RYR3: variants seen among roughly 807,000 people sequenced by gnomAD.
RYR3 encodes the protein brain ryanodine receptor-calcium release channel.
RYR3 carries 207 observed loss-of-function variants against 584.3 expected under a neutral mutation model. The observed-to-expected ratio is 0.35, with a 90% confidence interval of 0.32 to 0.40. The LOEUF is 0.40. Among genes scored for constraint, RYR3 ranks in the 10% least tolerant of loss-of-function variants. RYR3 has a pLI of 1.00. For synonymous variants in RYR3, 2,416 were observed against 2,248.5 expected (o/e 1.07, Z -2.11); for missense variants, 5,616 against 6,089.2 (o/e 0.92, Z 2.59).
At chr15:33,827,931 T>C (rs949066960) in intron 85 of RYR3, among the ~76,000 whole-genome samples, 1 of 152,196 alleles carries the variant, frequency 6.6e-6, no homozygotes, top group Admixed American at 6.5e-5. Flanking sequence ...CCTCATTTTA[T>C]TGCAGTTGGT....
chr15:33,824,149 A>C (rs1002723479), intron 81 of RYR3, among the ~76,000 whole-genome samples: 15 of 152,158 alleles, frequency 9.9e-5, no homozygotes, highest in Non-Finnish European at 1.9e-4. Context: ...AGGCAACTCA[A>C]TTCCATATTG....
intron 38 of RYR3, among the ~76,000 whole-genome samples, chr15:33,694,403 C>A (rs1204756313): frequency 2.5e-5 from 3 of 118,632 alleles, no homozygotes; most frequent in Non-Finnish European, 4.3e-5. Context: ...CTCCATCACG[C>A]CCGGTTAATT....
intron 81 of RYR3, among the ~76,000 whole-genome samples, chr15:33,824,560 T>C (rs1227226017): frequency 6.6e-6 from 1 of 152,198 alleles, no homozygotes; most frequent in African/African-American, 2.4e-5. Context: ...CAAGCCCTTT[T>C]GCCAGCAGAA....
intron 74 of RYR3, among the ~76,000 whole-genome samples, chr15:33,814,634 C>T (rs2076711281): frequency 6.6e-6 from 1 of 152,094 alleles, no homozygotes. Context: ...CGCAGTGGCT[C>T]ACTCCTGTAA....
Position 33,810,551 on chromosome 15 carries a change from A to G in RYR3, c.10099A>G (p.Ile3367Val), listed in dbSNP as rs199625290. 2.0e-5 allele frequency: 32 copies of G among 1,614,018 alleles called. No individual in the cohort carries two copies. The African/African-American group carries it at 4.0e-4, about 20-fold the overall frequency. ...CTTGTATTCCATCCAGACCTCCCTC[A>G]TCGTGGCTGCACTCAAGAAAATGCT... ...GDLYSIQTSL[I>V]VAALKKMLPI... is the part of the protein sequence containing the mutation. Residue 3367 changes from isoleucine to valine, a missense_variant, in exon 71 of 104, where the codon ATC becomes GTC. By Grantham distance (29) the Ile-to-Val change is conservative (BLOSUM62 3). Around this residue, in one of 9 missense-constraint regions of RYR3, gnomAD observed 954 missense variants for 1,132.2 expected, o/e 0.84. Transcript: ENST00000634891.
At chr15:33,587,314 A>G (rs1000703318) in intron 16 of RYR3, among the ~76,000 whole-genome samples, 3 of 152,190 alleles carry the variant, frequency 2.0e-5, no homozygotes, top group African/African-American at 7.2e-5. Flanking sequence ...CCTGAGCAAC[A>G]CGTGCTAGGA....
chr15:33,792,105 A>G (rs1254031738), intron 67 of RYR3, among the ~76,000 whole-genome samples: 2 of 152,186 alleles, frequency 1.3e-5, no homozygotes, highest in African/African-American at 4.8e-5. Context: ...GTCACTGAGA[A>G]TGAAGACTGG....
chr15:33,862,207 T>C (rs1888518424), intron 102 of RYR3, among the ~76,000 whole-genome samples: 1 of 151,734 alleles, frequency 6.6e-6, no homozygotes, highest in Non-Finnish European at 1.5e-5. Flanking sequence ...TTTTGTAGCT[T>C]AGAGAGTCCT....
At position 33,635,554 on chromosome 15, in the gene RYR3, G is replaced by T. The variant is rs1321487705; in HGVS notation, c.3176-60G>T. Reference sequence around the variant, plus strand: ...TTTTGAGTAGTGCTACCTAATTATTGAAGGTCTACGTTCTCTCTTTCCCTT... The same window carrying T: ...TTTTGAGTAGTGCTACCTAATTATTTAAGGTCTACGTTCTCTCTTTCCCTT... On this transcript the variant is annotated intron_variant, in intron 25 of 103. Coordinates refer to ENST00000634891, the MANE Select transcript of RYR3 (RefSeq NM_001036.6). 21 of 1,300,638 alleles carry T rather than the reference G, an allele frequency of 1.6e-5. No homozygotes were observed. The Admixed American group carries it at 3.8e-4, about 23-fold the overall frequency. The allele number at this position is 1,300,638 out of a possible 1,614,324, so 80.6% of individuals were successfully genotyped here.
chr15:33,819,702 A>ATAAG (rs1555472926), intron 76 of RYR3, 54 bp from the exon 77 acceptor site: 6 of 963,130 alleles, frequency 6.2e-6, no homozygotes, highest in Non-Finnish European at 8.7e-6. Context: ...AAATAAATAA[A>ATAAG]TAAATAAATA....
chr15:33,496,980 A>G (rs979254337), intron 2 of RYR3, among the ~76,000 whole-genome samples: 1 of 152,194 alleles, frequency 6.6e-6, no homozygotes, highest in Non-Finnish European at 1.5e-5. Flanking sequence ...GTTTGTCCCC[A>G]GAGCAGCTGG....
In RYR3 at chr15:33,311,209, T is replaced by C. The variant is rs1967213892; in HGVS notation, c.51+113T>C. ...GTGCCGGGTGCCCGGTGCCGGGCGC[T>C]TTCTCCGCACCCGCGGGCTGCAGAG... is the stretch of plus-strand genomic sequence containing the variant. On this transcript the variant is annotated intron_variant, in intron 1 of 103. Transcript: ENST00000634891. This position sits in a 1 kb window ranked among gnomAD's most constrained non-coding sequence, Gnocchi z 4.4. The C allele has an allele frequency of 2.6e-6, 2 of 781,610 alleles. No homozygotes were observed. Among genetic ancestry groups the C allele is most frequent in the African/African-American group, 3.7e-5 (2 of 54,138 alleles). 48.4% of individuals were successfully genotyped at this position (781,610 alleles called of 1,614,324 possible).
intron 1 of RYR3, among the ~76,000 whole-genome samples, chr15:33,462,927 T>A (rs905821107): frequency 1.3e-5 from 2 of 152,134 alleles, no homozygotes; most frequent in Admixed American, 1.3e-4. Flanking sequence ...ACACCTGTAA[T>A]CCTAGCACTT....
intron 99 of RYR3, 163 bp downstream of exon 99, chr15:33,858,077 A>C (rs2079891752): frequency 1.4e-5 from 13 of 925,288 alleles, no homozygotes; most frequent in Non-Finnish European, 1.9e-5. Context: ...TTCTCCAAAC[A>C]GGAGAGTGTC....
Position 33,585,978 on chromosome 15 carries a change from T to A in RYR3, c.1670-20T>A, listed in dbSNP as rs1184018642. 1 of 1,470,920 alleles carries A rather than the reference T, an allele frequency of 6.8e-7. No homozygotes were observed. Among genetic ancestry groups the A allele is most frequent in the African/African-American group, 1.4e-5 (1 of 72,162 alleles). The allele number at this position is 1,470,920 out of a possible 1,614,324, so 91.1% of individuals were successfully genotyped here. A position where few individuals can be genotyped will look rare whatever the true frequency, so the allele number is the denominator to read the frequency against. ...CAGGGCATTTAATGTCCAAATTTGA[T>A]GTTTGTGGCATTCATGTAGGTATCT... On this transcript the variant is annotated intron_variant, in intron 15 of 103. Coordinates refer to ENST00000634891, the MANE Select transcript of RYR3 (RefSeq NM_001036.6).
intron 93 of RYR3, among the ~76,000 whole-genome samples, chr15:33,846,354 C>T (rs553920927): frequency 6.6e-5 from 10 of 152,306 alleles, no homozygotes; most frequent in Admixed American, 5.9e-4. Context: ...TACACAAAGG[C>T]ATGAATTCCA....
At chr15:33,543,417 A>C (rs965242609) in intron 7 of RYR3, among the ~76,000 whole-genome samples, 1 of 152,098 alleles carries the variant, frequency 6.6e-6, no homozygotes, top group Non-Finnish European at 1.5e-5. Context: ...CTGAAGCCCT[A>C]TTTAACTTTC....
At chr15:33,539,955 G>A (rs1165842676) in intron 6 of RYR3, among the ~76,000 whole-genome samples, 1 of 152,112 alleles carries the variant, frequency 6.6e-6, no homozygotes, top group Non-Finnish European at 1.5e-5. Context: ...GGGAGTAGAG[G>A]TGGAAGAAAA....
Position 33,311,968 on chromosome 15 carries a change from C to A in RYR3, c.51+872C>A, listed in dbSNP as rs1208339757. On this transcript the variant is annotated intron_variant, in intron 1 of 103. Transcript: ENST00000634891. The surrounding 1 kb of genome is among the most constrained non-coding windows in gnomAD (Gnocchi z 4.4). Reference sequence around the variant, plus strand: ...AGGGGTGGGGGCATTGGGGATGCATCCTAGCGCTGACTTCAGCCAAGTGAC... The same window carrying A: ...AGGGGTGGGGGCATTGGGGATGCATACTAGCGCTGACTTCAGCCAAGTGAC... 6.6e-6 allele frequency among the ~76,000 whole-genome samples: 1 copy of A among 152,224 alleles called. No homozygotes were observed. Among genetic ancestry groups the A allele is most frequent in the Non-Finnish European group, 1.5e-5 (1 of 68,046 alleles).
Sources: gnomAD v4.1 joint callset for allele counts (sites outside exome capture counted in the v4.1 genomes callset) on GRCh38, gnomAD v4.1.1 for gene constraint, gnomAD v4.1.1 regional missense constraint, Gnocchi (gnomAD v3.1) non-coding constraint, MANE v1.5 for transcripts, NCBI Gene and HGNC (gene_info 2026-07-23, HGNC 2026-07-21) for gene names.